Variants in LGR6 observed in about 807,000 individuals in gnomAD.
LGR6 encodes leucine-rich repeat-containing G protein-coupled receptor 6.
LGR6 carries 45 observed loss-of-function variants against 69.4 expected under a neutral mutation model. That is an observed-to-expected ratio of 0.65 (90% CI 0.51 to 0.83). LGR6 has a LOEUF of 0.83. Ranked by LOEUF, LGR6 falls within the 40% of genes least tolerant of loss-of-function variation. The pLI is 0.00. For missense variants in LGR6, 1,108 were observed against 1,246.7 expected, an observed-to-expected ratio of 0.89 and a Z score of 1.68; for synonymous variants, 538 against 555.0, an observed-to-expected ratio of 0.97 and a Z score of 0.43.
At chr1:202,286,819 C>T (rs748948910) in intron 6 of LGR6, among the ~76,000 whole-genome samples, 6 of 152,098 alleles carry the variant, frequency 3.9e-5, no homozygotes, top group Admixed American at 2.0e-4. Flanking sequence ...GTTTGTGTTG[C>T]GTTCTGTGAC....
Position 202,194,046 on chromosome 1 carries a change from C to T in LGR6, c.57C>T (p.Ser19=). 1.4e-6 allele frequency: 2 copies of T among 1,389,958 alleles called. No homozygotes were observed. Among genetic ancestry groups the T allele is most frequent in the East Asian group, 3.0e-5 (1 of 32,878 alleles). 86.1% of individuals were successfully genotyped at this position (1,389,958 alleles called of 1,614,324 possible). Residue 19 remains serine (S), a synonymous_variant, in exon 1 of 18, where the codon TCC becomes TCT. Coordinates refer to ENST00000367278, the MANE Select transcript of LGR6 (RefSeq NM_001017403.2). ...ALWLCAALCA[S]RRAGGAPQPG... is the part of the protein sequence containing the mutation. Reference sequence around the variant, plus strand: ...GGCTTTGCGCCGCGCTGTGCGCTTCCCGGAGGGCCGGCGGCGCCCCCCAGC... The same window carrying T: ...GGCTTTGCGCCGCGCTGTGCGCTTCTCGGAGGGCCGGCGGCGCCCCCCAGC...
Position 202,225,382 on chromosome 1 carries a change from T to C in LGR6, c.213-41T>C, listed in dbSNP as rs552762027. ...CCTGGACAGTGCCAGATGGCCCAAG[T>C]GGGGAGTTCACAGCTCCTTTTTCCA... On this transcript the variant is annotated intron_variant, in intron 1 of 17. Coordinates refer to ENST00000367278, the MANE Select transcript of LGR6 (RefSeq NM_001017403.2). 4.7e-4 allele frequency: 730 copies of C among 1,544,724 alleles called. 5 individuals are homozygous for C. In the South Asian group the frequency reaches 7.5e-3, roughly 16 times the overall value.
At chr1:202,236,647 C>A (rs1180794133) in intron 4 of LGR6, among the ~76,000 whole-genome samples, 1 of 152,192 alleles carries the variant, frequency 6.6e-6, no homozygotes, top group Non-Finnish European at 1.5e-5. Context: ...TAATGCACAG[C>A]CCAAGGCCTG....
chr1:202,276,420 C>T lies in LGR6; in HGVS notation c.543C>T (p.Ala181=), dbSNP rs569564308. The change falls in exon 5 of 18, where the codon GCC becomes GCT. Residue 181 remains alanine, a synonymous_variant. Transcript: ENST00000367278. ...DNALTEIPVR[A]LNNLPALQAM... ...CACTCACGGAGATCCCTGTCAGGGC[C>T]CTCAACAACCTCCCTGCCCTGCAGG... The T allele has an allele frequency of 1.2e-6, 2 of 1,614,142 alleles. No homozygotes were observed. The highest frequency in any genetic ancestry group is 1.7e-6 in the Non-Finnish European group (2 of 1,179,986).
chr1:202,240,745 C>T (rs372181786), intron 4 of LGR6, among the ~76,000 whole-genome samples: 8 of 152,150 alleles, frequency 5.3e-5, no homozygotes, highest in African/African-American at 1.9e-4. Context: ...ACAGTAAAAG[C>T]AGGCCCAGGT....
chr1:202,259,024 G>GT (rs1664016433), intron 4 of LGR6, among the ~76,000 whole-genome samples: 1 of 151,566 alleles, frequency 6.6e-6, no homozygotes, highest in South Asian at 2.1e-4. Context: ...TTGCTGAGTG[G>GT]TTTTTTTAGT....
chr1:202,245,673 C>A (rs1346318118), intron 4 of LGR6, among the ~76,000 whole-genome samples: 1 of 152,124 alleles, frequency 6.6e-6, no homozygotes, highest in Non-Finnish European at 1.5e-5. Context: ...CCGGGTGTTG[C>A]GAACTGATAG....
At chr1:202,231,936 T>C (rs1661112281) in intron 3 of LGR6, among the ~76,000 whole-genome samples, 1 of 151,984 alleles carries the variant, frequency 6.6e-6, no homozygotes, top group Non-Finnish European at 1.5e-5. Flanking sequence ...CCACTAAAAA[T>C]ACAAAATTAG....
intron 1 of LGR6, among the ~76,000 whole-genome samples, chr1:202,199,872 A>C (rs781370314): frequency 3.3e-5 from 5 of 152,370 alleles, no homozygotes; most frequent in Non-Finnish European, 7.3e-5. Context: ...TGAGACAAAG[A>C]AAGCAAAGGG....
At chr1:202,205,684 C>A (rs1000367686) in intron 1 of LGR6, among the ~76,000 whole-genome samples, 4 of 143,518 alleles carry the variant, frequency 2.8e-5, no homozygotes, top group African/African-American at 1.0e-4. Flanking sequence ...TACACACACA[C>A]CTCCTTCAAA....
chr1:202,267,369 A>G (rs1217047592), intron 4 of LGR6, among the ~76,000 whole-genome samples: 1 of 152,150 alleles, frequency 6.6e-6, no homozygotes, highest in Non-Finnish European at 1.5e-5. Flanking sequence ...TCTAGTGCAG[A>G]CACACTGTTT....
chr1:202,253,908 C>T (rs1663522836), intron 4 of LGR6, among the ~76,000 whole-genome samples: 1 of 145,758 alleles, frequency 6.9e-6, no homozygotes, highest in Admixed American at 6.9e-5. Context: ...CGGGTTCACG[C>T]CATTCTCCTG....
chr1:202,306,085 G>A lies in LGR6; in HGVS notation c.1136+336G>A, dbSNP rs140701114. ...ACATCAGGGCCCAGTGGGATGGACC[G>A]GAGAAGGCTTTAAGGAGTTGGAAGC... On this transcript the variant is annotated intron_variant, in intron 12 of 17. Coordinates refer to ENST00000367278, the MANE Select transcript of LGR6 (RefSeq NM_001017403.2). Among the ~76,000 whole-genome samples the A allele has an allele frequency of 8.5e-5, 13 of 152,264 alleles. No individual in the cohort carries two copies. In the East Asian group the frequency reaches 1.9e-3, roughly 23 times the overall value.
intron 7 of LGR6, 131 bp from the exon 8 acceptor site, chr1:202,300,718 A>C: frequency 9.0e-6 from 5 of 556,218 alleles, no homozygotes; most frequent in Non-Finnish European, 9.7e-6. Flanking sequence ...TGAACCTGGA[A>C]TCTCCAGGCC....
chr1:202,242,029 A>G (rs1662249416), intron 4 of LGR6, among the ~76,000 whole-genome samples: 2 of 152,204 alleles, frequency 1.3e-5, no homozygotes, highest in East Asian at 3.8e-4. Context: ...TGGAGAAGCC[A>G]GGGTGGATAG....
At chr1:202,306,126 G>A (rs1653166445) in intron 12 of LGR6, among the ~76,000 whole-genome samples, 1 of 152,150 alleles carries the variant, frequency 6.6e-6, no homozygotes, top group Admixed American at 6.5e-5. Flanking sequence ...GCATTTTGGA[G>A]CATGTTCTCT....
chr1:202,296,479 C>A (rs1477814736), intron 6 of LGR6, among the ~76,000 whole-genome samples: 1 of 152,238 alleles, frequency 6.6e-6, no homozygotes, highest in East Asian at 1.9e-4. Context: ...TCTGTACTAT[C>A]TCCCTCAAAA....
chr1:202,240,412 C>T (rs1662087629), intron 4 of LGR6, among the ~76,000 whole-genome samples: 1 of 150,500 alleles, frequency 6.6e-6, no homozygotes, highest in Admixed American at 6.6e-5. Context: ...AACGAATGAA[C>T]AGCACAAGGT....
intron 6 of LGR6, among the ~76,000 whole-genome samples, chr1:202,285,017 C>T (rs979603839): frequency 2.0e-5 from 3 of 152,238 alleles, no homozygotes; most frequent in Non-Finnish European, 2.9e-5. Context: ...CCCCAGCTCT[C>T]TCTCTAAATC....
Sources: gnomAD v4.1 joint callset for allele counts (sites outside exome capture counted in the v4.1 genomes callset) on GRCh38, gnomAD v4.1.1 for gene constraint, MANE v1.5 for transcripts, NCBI Gene and HGNC (gene_info 2026-07-23, HGNC 2026-07-21) for gene names.